ERN1: variants seen among roughly 807,000 people sequenced by gnomAD.
ERN1 encodes endoplasmic reticulum to nucleus signaling 1.
ERN1 carries 39 observed loss-of-function variants against 113.1 expected under a neutral mutation model. The observed-to-expected ratio is 0.34, with a 90% confidence interval of 0.27 to 0.45. The LOEUF is 0.45. Ranked by LOEUF, ERN1 falls within the 20% of genes least tolerant of loss-of-function variation. The probability of loss-of-function intolerance (pLI) is 1.00; values close to 1 mark genes in which losing one functional copy is unlikely to be tolerated. For missense variants in ERN1, 976 were observed against 1,274.8 expected, an observed-to-expected ratio of 0.77 and a Z score of 3.57; for synonymous variants, 507 against 515.9, an observed-to-expected ratio of 0.98 and a Z score of 0.23.
At chr17:64,091,855 T>C (rs1221050184) in intron 2 of ERN1, among the ~76,000 whole-genome samples, 2 of 152,088 alleles carry the variant, frequency 1.3e-5, no homozygotes, top group African/African-American at 4.8e-5. Context: ...CTTCTCAAAC[T>C]AGCAGTGGTG....
At chr17:64,098,277 T>C in intron 1 of ERN1, 36 bp from the exon 2 acceptor site, 1 of 1,613,298 alleles carries the variant, frequency 6.2e-7, no homozygotes, top group Non-Finnish European at 8.5e-7. Context: ...AATGTTGATA[T>C]GATTCTTCAC....
At chr17:64,086,529 T>A (rs1238109305) in intron 2 of ERN1, among the ~76,000 whole-genome samples, 1 of 152,072 alleles carries the variant, frequency 6.6e-6, no homozygotes, top group African/African-American at 2.4e-5. Flanking sequence ...CTGAGGGACA[T>A]TTGAGTTGTT....
intron 6 of ERN1, among the ~76,000 whole-genome samples, chr17:64,071,490 G>C (rs1913415183): frequency 1.3e-5 from 2 of 151,678 alleles, no homozygotes; most frequent in African/African-American, 2.4e-5. Context: ...GCTTGATCTT[G>C]GCTCACTGCA....
intron 2 of ERN1, among the ~76,000 whole-genome samples, chr17:64,085,419 C>T (rs1305167140): frequency 6.6e-6 from 1 of 152,112 alleles, no homozygotes; most frequent in Non-Finnish European, 1.5e-5. Flanking sequence ...TAAGAACCAT[C>T]TCTCACAGGA....
intron 1 of ERN1, among the ~76,000 whole-genome samples, chr17:64,121,530 C>T (rs1299282765): frequency 6.6e-6 from 1 of 152,168 alleles, no homozygotes; most frequent in African/African-American, 2.4e-5. Context: ...GTCTCTGTTG[C>T]CCAGGCTGGA....
At chr17:64,111,874 A>G (rs972645264) in intron 1 of ERN1, among the ~76,000 whole-genome samples, 1 of 152,250 alleles carries the variant, frequency 6.6e-6, no homozygotes, top group Non-Finnish European at 1.5e-5. Flanking sequence ...ATTTAAAAAA[A>G]AATTGGTGGC....
At chr17:64,091,776 G>C (rs138213490) in intron 2 of ERN1, among the ~76,000 whole-genome samples, 11 of 152,076 alleles carry the variant, frequency 7.2e-5, no homozygotes, top group South Asian at 2.1e-4. Flanking sequence ...GCGGGGGGGC[G>C]GCGGTGAGAG....
chr17:64,070,223 G>GT (rs1268199154), intron 6 of ERN1, among the ~76,000 whole-genome samples: 4 of 152,200 alleles, frequency 2.6e-5, no homozygotes, highest in Non-Finnish European at 4.4e-5. Context: ...AGATACATGA[G>GT]TGAGGCCAAC....
Position 64,068,237 on chromosome 17 carries a change from G to A in ERN1, c.533C>T (p.Thr178Ile), listed in dbSNP as rs375304343. The A allele has an allele frequency of 3.1e-6, 5 of 1,612,776 alleles. No individual in the cohort carries two copies. The African/African-American group carries it at 4.0e-5, about 13-fold the overall frequency. ...CAGTGAGGCCGCATAGTCAAAGTAG[G>A]TGGCATTCCACCGGAGCTCTCGGGT... ...TKTRELRWNA[T>I]YFDYAASLPE... Residue 178 changes from threonine (T) to isoleucine (I), a missense_variant, in exon 7 of 22, where the codon ACC (threonine) becomes ATC (isoleucine). Physicochemically the swap from Thr to Ile is moderately conservative, Grantham distance 89. Coordinates refer to ENST00000433197, the MANE Select transcript of ERN1 (RefSeq NM_001433.5).
chr17:64,066,740 C>A lies in ERN1; in HGVS notation c.773G>T (p.Gly258Val). The A allele has an allele frequency of 1.2e-6, 2 of 1,613,934 alleles. No homozygotes were observed. Among genetic ancestry groups the A allele is most frequent in the Non-Finnish European group, 1.7e-6 (2 of 1,179,856 alleles). Residue 258 changes from glycine (G) to valine (V), a missense_variant, in exon 8 of 22, where the codon GGG (glycine) becomes GTG (valine). Transcript: ENST00000433197. ...CCACTTTGTGATGCGCCCCACCTCC[C>A]CAGACATGAAGGTCAGATAGCGCAG... ...ETLRYLTFMS[G>V]EVGRITKWKY...
In ERN1 at chr17:64,055,695, G is replaced by T. The variant is rs754378768; in HGVS notation, c.1652C>A (p.Ser551Tyr). 6.3e-7 allele frequency: 1 copy of T among 1,599,368 alleles called. No individual in the cohort carries two copies. The highest frequency in any genetic ancestry group is 2.2e-5 in the East Asian group (1 of 44,688). The change falls in exon 13 of 22, where the codon TCC (serine) becomes TAC (tyrosine). Residue 551 changes from serine (S) to tyrosine (Y), a missense_variant. Physicochemically the swap from Ser to Tyr is moderately radical, Grantham distance 144. This residue lies in a region of ERN1 where 112 missense variants were observed against 106.2 expected (regional missense o/e 1.05). Transcript: ENST00000433197. ...SSASKAGSSP[S>Y]LEQDDGDEET... ...TTTACCTCCATCGTCTTGTTCCAGG[G>T]AGGGGCTGCTGCCAGCCTTGGAGGC...
chr17:64,125,391 A>T (rs1309279071), intron 1 of ERN1, among the ~76,000 whole-genome samples: 1 of 152,236 alleles, frequency 6.6e-6, no homozygotes, highest in Non-Finnish European at 1.5e-5. Context: ...CAGCAAGATG[A>T]CTGGCAGGCA....
At chr17:64,102,419 A>G (rs186082887) in intron 1 of ERN1, among the ~76,000 whole-genome samples, 118 of 152,360 alleles carry the variant, frequency 7.7e-4, no homozygotes, top group Admixed American at 3.1e-3. Context: ...CAGAAATGCC[A>G]CAAACTATTA....
At position 64,130,133 on chromosome 17, in the gene ERN1, T is replaced by C. The variant is rs1028339095; in HGVS notation, c.-104A>G. On this transcript the variant is annotated 5_prime_UTR_variant, in exon 1 of 22. Transcript: ENST00000433197. The surrounding 1 kb of genome is among the most constrained non-coding windows in gnomAD (Gnocchi z 4.0). The stretch of plus-strand genomic sequence containing the variant: ...GACCGAGCCTCAGCGGACGCAGAAC[T>C]GACTAGGCAGCGGCGGCACCCCCAT... 2.7e-5 allele frequency: 29 copies of C among 1,070,084 alleles called. No homozygotes were observed. Among genetic ancestry groups the C allele is most frequent in the Non-Finnish European group, 3.4e-5 (28 of 829,986 alleles). 66.3% of individuals were successfully genotyped at this position (1,070,084 alleles called of 1,614,324 possible). A position where few individuals can be genotyped will look rare whatever the true frequency, so the allele number is the denominator to read the frequency against.
Position 64,044,936 on chromosome 17 carries a change from A to T in ERN1, c.2654-9T>A, listed in dbSNP as rs1453839158. Reference sequence around the variant, plus strand: ...CCTGAATTTACGCAGGTCTAGAAAAACATTGAGGGAAGCAATGGGTAATCA... The same window carrying T: ...CCTGAATTTACGCAGGTCTAGAAAATCATTGAGGGAAGCAATGGGTAATCA... On this transcript the variant is annotated splice_polypyrimidine_tract_variant and intron_variant, in intron 20 of 21. Transcript: ENST00000433197. The surrounding 1 kb of genome is among the most constrained non-coding windows in gnomAD (Gnocchi z 4.1). The T allele has an allele frequency of 4.4e-6, 7 of 1,574,804 alleles. No homozygotes were observed. The highest frequency in any genetic ancestry group is 6.1e-6 in the Non-Finnish European group (7 of 1,155,248).
At chr17:64,081,287 C>T (rs1442455294) in intron 2 of ERN1, among the ~76,000 whole-genome samples, 1 of 152,200 alleles carries the variant, frequency 6.6e-6, no homozygotes, top group African/African-American at 2.4e-5. Flanking sequence ...AGTAAATGGA[C>T]ACACCTCTTT....
Position 64,044,755 on chromosome 17 carries a change from G to T in ERN1, c.2721+105C>A. ...TGAAGCCGCCTAGCTCCTGAGAGATGAGAATGCCAGTACAGATAAAAGATT... is the reference window on the plus strand; with the variant it reads ...TGAAGCCGCCTAGCTCCTGAGAGATTAGAATGCCAGTACAGATAAAAGATT... On this transcript the variant is annotated intron_variant, in intron 21 of 21. Coordinates refer to ENST00000433197, the MANE Select transcript of ERN1 (RefSeq NM_001433.5). The surrounding 1 kb of genome is among the most constrained non-coding windows in gnomAD (Gnocchi z 4.1). The T allele has an allele frequency of 1.3e-6, 1 of 799,420 alleles. No homozygotes were observed. The highest frequency in any genetic ancestry group is 1.6e-5 in the South Asian group (1 of 62,812). 49.5% of individuals were successfully genotyped at this position (799,420 alleles called of 1,614,324 possible).
intron 1 of ERN1, among the ~76,000 whole-genome samples, chr17:64,119,165 G>T (rs1914884929): frequency 1.3e-5 from 2 of 151,894 alleles, no homozygotes; most frequent in African/African-American, 4.8e-5. Context: ...AAATAAACAA[G>T]CATAAGTCGG....
intron 2 of ERN1, among the ~76,000 whole-genome samples, chr17:64,090,663 C>T (rs771024303): frequency 2.6e-4 from 39 of 152,178 alleles, no homozygotes; most frequent in Non-Finnish European, 3.5e-4. Flanking sequence ...GCTGCAAAGA[C>T]GACCCATCGG....
Sources: allele counts gnomAD v4.1 joint callset (sites outside exome capture counted in the v4.1 genomes callset), GRCh38; gene constraint gnomAD v4.1.1; regional missense constraint gnomAD v4.1.1; non-coding constraint Gnocchi (gnomAD v3.1); transcripts MANE v1.5; gene names NCBI Gene and HGNC (gene_info 2026-07-23, HGNC 2026-07-21).